Variants in DOCK4 observed in about 807,000 individuals in gnomAD.
DOCK4 encodes the protein dedicator of cytokinesis 4.
A neutral mutation model predicts 268.1 loss-of-function variants in DOCK4; 97 were observed. That is an observed-to-expected ratio of 0.36 (90% confidence interval 0.31 to 0.43). The LOEUF (loss-of-function observed/expected upper bound fraction) is 0.43. DOCK4 is among the 20% of genes least tolerant of loss of function. The probability of loss-of-function intolerance (pLI) is 1.00; values close to 1 mark genes in which losing one functional copy is unlikely to be tolerated. For missense variants in DOCK4, 2,145 were observed against 2,455.7 expected (o/e 0.87, Z 2.67); for synonymous variants, 954 against 887.2 (o/e 1.08, Z -1.34).
At chr7:112,205,437 A>G (rs978611586) in intron 1 of DOCK4, among the ~76,000 whole-genome samples, 5 of 152,106 alleles carry the variant, frequency 3.3e-5, no homozygotes, top group African/African-American at 1.2e-4. Context: ...TCCAAAGACC[A>G]AAGAACCGAG....
At chr7:111,952,835 T>G (rs140058889) in intron 8 of DOCK4, among the ~76,000 whole-genome samples, 2 of 152,196 alleles carry the variant, frequency 1.3e-5, no homozygotes, top group Admixed American at 6.5e-5. Flanking sequence ...GAAAAACAAC[T>G]GTCATTTTTT....
intron 1 of DOCK4, among the ~76,000 whole-genome samples, chr7:112,097,046 G>C (rs1208308846): frequency 6.6e-6 from 1 of 152,118 alleles, no homozygotes; most frequent in Non-Finnish European, 1.5e-5. Flanking sequence ...CACAGGACCT[G>C]GTTACCGCAA....
intron 1 of DOCK4, among the ~76,000 whole-genome samples, chr7:112,188,853 C>G (rs1819680981): frequency 1.3e-5 from 2 of 152,248 alleles, no homozygotes; most frequent in African/African-American, 2.4e-5. Context: ...TTTTATCCTA[C>G]TAAACTTATT....
At chr7:111,872,628 T>G in intron 17 of DOCK4, 64 bp from the exon 18 acceptor site, 1 of 1,370,316 alleles carries the variant, frequency 7.3e-7, no homozygotes, top group Non-Finnish European at 9.9e-7. Context: ...ATGAAAGCGT[T>G]CTGCTAGTAA....
In DOCK4 at chr7:111,808,473, G is replaced by A. The variant is rs553454056; in HGVS notation, c.3166+348C>T. 14 of 208,876 alleles carry A rather than the reference G, an allele frequency of 6.7e-5. No homozygotes were observed. In the South Asian group the frequency reaches 1.5e-3, roughly 23 times the overall value. The allele number at this position is 208,876 out of a possible 1,614,324, so 12.9% of individuals were successfully genotyped here. On this transcript the variant is annotated intron_variant, in intron 30 of 52. Coordinates refer to ENST00000428084, the MANE Select transcript of DOCK4 (RefSeq NM_001363540.2). ...TAACCTAAATTTATTATGATTCATA[G>A]CTTCAACTCAGAGTTCTAGAAATTT...
At chr7:112,007,656 C>T (rs1237902845) in intron 1 of DOCK4, among the ~76,000 whole-genome samples, 3 of 150,794 alleles carry the variant, frequency 2.0e-5, no homozygotes, top group Admixed American at 6.6e-5. Context: ...AGGTAAAGAG[C>T]GAAGAATTTG....
intron 1 of DOCK4, among the ~76,000 whole-genome samples, chr7:112,069,845 A>G (rs1277843838): frequency 2.0e-5 from 3 of 152,208 alleles, no homozygotes; most frequent in Non-Finnish European, 4.4e-5. Context: ...AGAAAGTACC[A>G]AGCTAGAAAT....
intron 30 of DOCK4, among the ~76,000 whole-genome samples, chr7:111,799,129 C>T (rs1032487429): frequency 1.3e-5 from 2 of 152,088 alleles, no homozygotes; most frequent in Non-Finnish European, 2.9e-5. Context: ...TTCAGTATTC[C>T]CTACAGAAAT....
intron 1 of DOCK4, among the ~76,000 whole-genome samples, chr7:112,154,042 G>A (rs537952882): frequency 6.6e-6 from 1 of 152,224 alleles, no homozygotes; most frequent in African/African-American, 2.4e-5. Flanking sequence ...CTTGATGTGG[G>A]CTCACTGCAA....
chr7:111,760,386 A>G (rs1198761050), intron 39 of DOCK4, 64 bp from the exon 40 acceptor site: 17 of 1,529,246 alleles, frequency 1.1e-5, no homozygotes, highest in Non-Finnish European at 1.5e-5. Context: ...ACAGAGCCAA[A>G]AAACATGACA....
At chr7:111,910,963 C>T (rs774594984) in intron 13 of DOCK4, among the ~76,000 whole-genome samples, 1 of 152,184 alleles carries the variant, frequency 6.6e-6, no homozygotes. Flanking sequence ...AGAATTTCTG[C>T]GCCTACGTTT....
At chr7:112,079,331 A>G (rs1037601078) in intron 1 of DOCK4, among the ~76,000 whole-genome samples, 1 of 152,182 alleles carries the variant, frequency 6.6e-6, no homozygotes, top group South Asian at 2.1e-4. Context: ...ACCTGACTAA[A>G]AGGTCAACCT....
intron 1 of DOCK4, among the ~76,000 whole-genome samples, chr7:112,143,150 G>T (rs1815094289): frequency 6.6e-6 from 1 of 150,940 alleles, no homozygotes. Flanking sequence ...AAACCAAAAG[G>T]TTAAAAAAAA....
intron 1 of DOCK4, among the ~76,000 whole-genome samples, chr7:112,143,506 A>G (rs1815129447): frequency 6.6e-6 from 1 of 152,176 alleles, no homozygotes; most frequent in South Asian, 2.1e-4. Flanking sequence ...TATCAAATAC[A>G]TGAAATGACT....
intron 52 of DOCK4, 85 bp from the exon 53 acceptor site, chr7:111,728,805 G>T (rs1298564540): frequency 1.1e-5 from 15 of 1,351,696 alleles, no homozygotes; most frequent in Non-Finnish European, 1.3e-5. Context: ...CCGACGCGGA[G>T]GCCCCGGCCC....
intron 1 of DOCK4, among the ~76,000 whole-genome samples, chr7:112,146,495 G>A (rs1221132425): frequency 6.6e-6 from 1 of 152,214 alleles, no homozygotes. Flanking sequence ...ATTTTGGGAG[G>A]CTGAGGCAGG....
intron 1 of DOCK4, among the ~76,000 whole-genome samples, chr7:112,059,850 C>T (rs1206981089): frequency 6.6e-6 from 1 of 152,100 alleles, no homozygotes; most frequent in East Asian, 1.9e-4. Flanking sequence ...TGTACAAATA[C>T]CATCACTCAA....
intron 16 of DOCK4, among the ~76,000 whole-genome samples, chr7:111,879,778 A>C (rs1807223006): frequency 6.6e-6 from 1 of 152,256 alleles, no homozygotes; most frequent in Non-Finnish European, 1.5e-5. Flanking sequence ...AATGCAACTG[A>C]CATGCTGACG....
In DOCK4 at chr7:111,935,402, G is replaced by C. The variant is rs780066144; in HGVS notation, c.1066+138C>G. 4.0e-6 allele frequency: 3 copies of C among 742,514 alleles called. No homozygotes were observed. The African/African-American group carries it at 5.2e-5, about 13-fold the overall frequency. 46.0% of individuals were successfully genotyped at this position (742,514 alleles called of 1,614,324 possible). A position where few individuals can be genotyped will look rare whatever the true frequency, so the allele number is the denominator to read the frequency against. On this transcript the variant is annotated intron_variant, in intron 12 of 52. Transcript: ENST00000428084. ...ATAGCATAGGAAGACATACCAGAAT[G>C]TTCATTGAGCATTTTTAAAGTTAGG...
Sources: allele counts gnomAD v4.1 joint callset (sites outside exome capture counted in the v4.1 genomes callset), GRCh38; gene constraint gnomAD v4.1.1; transcripts MANE v1.5; gene names NCBI Gene and HGNC (gene_info 2026-07-23, HGNC 2026-07-21).